Variants in CACNA1I observed in about 807,000 individuals in gnomAD.
CACNA1I encodes the protein calcium voltage-gated channel subunit alpha1 I.
Under a neutral mutation model 201.6 loss-of-function variants are expected in CACNA1I, and 74 were observed. The ratio of observed to expected loss-of-function variants is 0.37; its 90% CI spans 0.30 to 0.45. The LOEUF is 0.45. CACNA1I is among the 20% of genes least tolerant of loss of function. CACNA1I has a pLI of 1.00. For missense variants in CACNA1I, 2,346 were observed against 3,138.1 expected (o/e 0.75, Z 6.03); for synonymous variants, 1,431 against 1,345.2 (o/e 1.06, Z -1.40).
chr22:39,585,916 C>T (rs1932737503), intron 1 of CACNA1I, among the ~76,000 whole-genome samples: 2 of 151,786 alleles, frequency 1.3e-5, no homozygotes, highest in African/African-American at 2.4e-5. Flanking sequence ...CGCGGTGGCT[C>T]ACGCCTGTAA....
rs760064689 is a variant in CACNA1I at position 39,662,467 on chromosome 22, T to G, written c.3372+32T>G. 5.3e-5 allele frequency: 72 copies of G among 1,368,132 alleles called. No individual in the cohort carries two copies. In the South Asian group the frequency reaches 9.3e-4, roughly 18 times the overall value. 84.7% of individuals were successfully genotyped at this position (1,368,132 alleles called of 1,614,324 possible). ...GGGGGCGGGGCCGAAGGGGACCTGGTGCGGTGGGATAGGACAGAAGTGGGT... is the reference window on the plus strand; with the variant it reads ...GGGGGCGGGGCCGAAGGGGACCTGGGGCGGTGGGATAGGACAGAAGTGGGT... On this transcript the variant is annotated intron_variant, in intron 17 of 36. Transcript: ENST00000402142.
At chr22:39,651,487 G>C (rs1006961332) in intron 10 of CACNA1I, among the ~76,000 whole-genome samples, 11 of 152,214 alleles carry the variant, frequency 7.2e-5, no homozygotes, top group Admixed American at 6.5e-4. Context: ...TCTGCAGGGG[G>C]AGAGCTGGTG....
At chr22:39,667,372 C>T (rs565816908) in intron 23 of CACNA1I, among the ~76,000 whole-genome samples, 40 of 152,332 alleles carry the variant, frequency 2.6e-4, no homozygotes, top group African/African-American at 9.6e-4. Flanking sequence ...CATTCCAGAA[C>T]CCCATGCCCT....
At chr22:39,601,489 T>G (rs981785694) in intron 3 of CACNA1I, among the ~76,000 whole-genome samples, 1 of 151,988 alleles carries the variant, frequency 6.6e-6, no homozygotes, top group African/African-American at 2.4e-5. Flanking sequence ...AGCTGAAGGA[T>G]GAGGAGACAT....
intron 27 of CACNA1I, 117 bp downstream of exon 27, chr22:39,672,425 C>A (rs1466974046): frequency 4.1e-6 from 3 of 724,286 alleles, no homozygotes; most frequent in African/African-American, 3.5e-5. Context: ...AGCATCTAGG[C>A]ACGGATGGAC....
At chr22:39,641,912 T>G (rs1395534267) in intron 6 of CACNA1I, among the ~76,000 whole-genome samples, 1 of 152,100 alleles carries the variant, frequency 6.6e-6, no homozygotes. Context: ...CCTTGGGTCA[T>G]TGTTAAGAAT....
intron 1 of CACNA1I, among the ~76,000 whole-genome samples, chr22:39,597,148 C>T (rs1218875673): frequency 6.6e-6 from 1 of 152,174 alleles, no homozygotes; most frequent in Non-Finnish European, 1.5e-5. Context: ...CACAGATTTT[C>T]GAAGGCCCCA....
intron 1 of CACNA1I, among the ~76,000 whole-genome samples, chr22:39,580,548 G>A (rs1932514911): frequency 6.6e-6 from 1 of 152,204 alleles, no homozygotes; most frequent in African/African-American, 2.4e-5. Context: ...GGGTCTTGCT[G>A]TATAAATAGG....
Position 39,662,093 on chromosome 22 carries a change from G to T in CACNA1I, c.3030G>T (p.Glu1010Asp), listed in dbSNP as rs781008967. 4.6e-6 allele frequency: 7 copies of T among 1,529,232 alleles called. No homozygotes were observed. In the Middle Eastern group the frequency reaches 5.3e-4, roughly 116 times the overall value. The allele number at this position is 1,529,232 out of a possible 1,614,324, so 94.7% of individuals were successfully genotyped here. A position where few individuals can be genotyped will look rare whatever the true frequency, so the allele number is the denominator to read the frequency against. Residue 1010 changes from glutamate to aspartate, a missense_variant, in exon 17 of 37, where the codon GAG becomes GAT. Glu to Asp is a conservative substitution (Grantham distance 45). Around this residue, in one of 13 missense-constraint regions of CACNA1I, gnomAD observed 288 missense variants for 255.2 expected, o/e 1.13. Transcript: ENST00000402142. ...SAEHESLLSA[E>D]RGGGARVCEV... ...AGCATGAGTCCCTGCTCTCTGCGGA[G>T]CGCGGCGGCGGCGCCCGGGTCTGCG...
rs755505506 is a variant in CACNA1I, at chr22:39,664,120, C to T, written c.3627C>T (p.Tyr1209=). The change falls in exon 20 of 37, where the codon TAC becomes TAT. Residue 1209 remains tyrosine, a synonymous_variant. Transcript: ENST00000402142. ...TERIFLTVSN[Y]IFTAIFVGEM... ...GCATCTTTCTCACCGTGTCCAACTA[C>T]ATCTTCACGGCCATCTTCGTGGGCG... The T allele has an allele frequency of 9.9e-6, 16 of 1,613,756 alleles. No individual in the cohort carries two copies. In the East Asian group the frequency reaches 2.0e-4, roughly 20 times the overall value.
rs184179634 is a variant in CACNA1I, at chr22:39,658,926, C to A, written c.2145-5C>A. ...GTACCCTGGGCCTGCCCTGCGGGACCGCAGCATCTGGGAGATTGTGGGGCA... is the reference window on the plus strand; with the variant it reads ...GTACCCTGGGCCTGCCCTGCGGGACAGCAGCATCTGGGAGATTGTGGGGCA... On this transcript the variant is annotated splice_polypyrimidine_tract_variant and splice_region_variant and intron_variant, in intron 11 of 36. Coordinates refer to ENST00000402142, the MANE Select transcript of CACNA1I (RefSeq NM_021096.4). 1.3e-6 allele frequency: 2 copies of A among 1,587,624 alleles called. No homozygotes were observed. Among genetic ancestry groups the A allele is most frequent in the Middle Eastern group, 3.3e-4 (2 of 6,040 alleles).
chr22:39,660,378 A>G lies in CACNA1I; in HGVS notation c.2639A>G (p.Gln880Arg). The change falls in exon 15 of 37, where the codon CAG (glutamine) becomes CGG (arginine). Residue 880 changes from glutamine (Q) to arginine (R), a missense_variant. This residue lies in a region of CACNA1I where 92 missense variants were observed against 114.5 expected (regional missense o/e 0.80). Transcript: ENST00000402142. ...DANRSYSDEDQSSSNIEEFDK... is the reference protein window; with the variant it reads ...DANRSYSDEDRSSSNIEEFDK... Reference sequence around the variant, plus strand: ...AATCGCTCCTACTCGGACGAGGACCAGAGCTCATCCAACATAGAAGAGTTT... The same window carrying G: ...AATCGCTCCTACTCGGACGAGGACCGGAGCTCATCCAACATAGAAGAGTTT... The G allele has an allele frequency of 6.2e-7, 1 of 1,613,020 alleles. No homozygotes were observed. The highest frequency in any genetic ancestry group is 2.2e-5 in the East Asian group (1 of 44,868).
intron 1 of CACNA1I, among the ~76,000 whole-genome samples, chr22:39,573,463 T>G (rs1932249052): frequency 6.6e-6 from 1 of 151,852 alleles, no homozygotes; most frequent in Admixed American, 6.6e-5. Context: ...GGCCCCTAGA[T>G]GGGGGTGGTC....
chr22:39,659,182 A>T lies in CACNA1I; in HGVS notation c.2330+66A>T. On this transcript the variant is annotated intron_variant, in intron 12 of 36. Transcript: ENST00000402142. This position sits in a 1 kb window ranked among gnomAD's most constrained non-coding sequence, Gnocchi z 4.3. ...GGGGCTGTGGGCGGGAGCCTGGGGG[A>T]TGTGGTCCACTGTGCTTCTCTGGAC... is the stretch of plus-strand genomic sequence containing the variant. 1 of 1,581,758 alleles carries T rather than the reference A, an allele frequency of 6.3e-7. No homozygotes were observed. Among genetic ancestry groups the T allele is most frequent in the Middle Eastern group, 2.2e-4 (1 of 4,596 alleles).
intron 24 of CACNA1I, among the ~76,000 whole-genome samples, chr22:39,669,773 A>G (rs1053734527): frequency 9.8e-5 from 15 of 152,286 alleles, no homozygotes; most frequent in African/African-American, 3.6e-4. Context: ...ATGAATGGAT[A>G]GGTCAATGAG....
intron 26 of CACNA1I, among the ~76,000 whole-genome samples, chr22:39,671,156 G>T (rs1465260320): frequency 1.3e-5 from 2 of 152,192 alleles, no homozygotes; most frequent in African/African-American, 4.8e-5. Flanking sequence ...AGTCTGGAAG[G>T]GAACGGTCAG....
At position 39,663,715 on chromosome 22, in the gene CACNA1I, C is replaced by A; in HGVS notation, c.3474-3C>A. 2 of 1,591,698 alleles carry A rather than the reference C, an allele frequency of 1.3e-6. No individual in the cohort carries two copies. The highest frequency in any genetic ancestry group is 2.2e-5 in the South Asian group (2 of 90,584). On this transcript the variant is annotated splice_polypyrimidine_tract_variant and splice_region_variant and intron_variant, in intron 18 of 36. Transcript: ENST00000402142. ...TCAGGCAGCCCCCGCCCACCCTGCC[C>A]AGGTTCCGGGTCCTGTGTCAGACCA...
chr22:39,649,716 C>T lies in CACNA1I; in HGVS notation c.1783C>T (p.Arg595Trp), dbSNP rs770692421. Residue 595 changes from arginine (R) to tryptophan (W), a missense_variant, in exon 10 of 37, where the codon CGG becomes TGG. Physicochemically the swap from Arg to Trp is moderately radical, Grantham distance 101. Transcript: ENST00000402142. This position sits in a 1 kb window ranked among gnomAD's most constrained non-coding sequence, Gnocchi z 7.3. Reference protein sequence around the residue: ...GEDEADGDGARSSEDGASSEL... With the variant: ...GEDEADGDGAWSSEDGASSEL... ...GGACGAGGCGGATGGGGACGGGGCC[C>T]GGAGCAGCGAGGACGGAGCCTCCTC... 19 of 1,533,574 alleles carry T rather than the reference C, an allele frequency of 1.2e-5. No individual in the cohort carries two copies. Among genetic ancestry groups the T allele is most frequent in the Middle Eastern group, 1.8e-4 (1 of 5,576 alleles). 95.0% of individuals were successfully genotyped at this position (1,533,574 alleles called of 1,614,324 possible). A position where few individuals can be genotyped will look rare whatever the true frequency, so the allele number is the denominator to read the frequency against.
intron 1 of CACNA1I, among the ~76,000 whole-genome samples, chr22:39,574,052 ACT>A (rs1932267443): frequency 6.6e-6 from 1 of 151,884 alleles, no homozygotes; most frequent in South Asian, 2.1e-4. Context: ...TGGGATACGG[ACT>A]CTCTTCAGGC....
Sources: allele counts gnomAD v4.1 joint callset (sites outside exome capture counted in the v4.1 genomes callset), GRCh38; gene constraint gnomAD v4.1.1; regional missense constraint gnomAD v4.1.1; non-coding constraint Gnocchi (gnomAD v3.1); transcripts MANE v1.5; gene names NCBI Gene and HGNC (gene_info 2026-07-23, HGNC 2026-07-21).